Variants in RBMS3 observed in about 807,000 individuals in gnomAD.
RBMS3 encodes RNA binding motif single stranded interacting protein 3, also known as RNA-binding motif, single-stranded-interacting protein 3.
In RBMS3, 27 loss-of-function variants were observed where a neutral mutation model predicts 66.8. That is an observed-to-expected ratio of 0.40 (90% CI 0.30 to 0.56). The LOEUF (loss-of-function observed/expected upper bound fraction) is 0.56. RBMS3 is among the 20% of genes least tolerant of loss of function. RBMS3 has a pLI of 0.40. For missense variants in RBMS3, 513 were observed against 549.5 expected, an observed-to-expected ratio of 0.93 and a Z score of 0.66; for synonymous variants, 188 against 183.0, an observed-to-expected ratio of 1.03 and a Z score of -0.22.
intron 3 of RBMS3, among the ~76,000 whole-genome samples, chr3:29,549,226 T>C (rs568334725): frequency 6.6e-6 from 1 of 152,114 alleles, no homozygotes; most frequent in South Asian, 2.1e-4. Context: ...TTTGTGTCTC[T>C]CAGTGACATC....
chr3:29,859,836 A>C (rs1245425038), intron 6 of RBMS3, among the ~76,000 whole-genome samples: 2 of 152,218 alleles, frequency 1.3e-5, no homozygotes, highest in East Asian at 1.9e-4. Flanking sequence ...AAAGCTTGCC[A>C]GCTCTATATC....
intron 4 of RBMS3, among the ~76,000 whole-genome samples, chr3:29,672,100 C>G (rs1011568721): frequency 6.6e-6 from 1 of 152,112 alleles, no homozygotes; most frequent in Non-Finnish European, 1.5e-5. Context: ...AACAGGAACT[C>G]TATAAGCCAG....
At chr3:29,849,035 A>AC (rs753637408) in intron 6 of RBMS3, among the ~76,000 whole-genome samples, 4 of 152,112 alleles carry the variant, frequency 2.6e-5, no homozygotes, top group Non-Finnish European at 5.9e-5. Context: ...CCCCTTAGAG[A>AC]CCTTGACATT....
intron 1 of RBMS3, among the ~76,000 whole-genome samples, chr3:29,411,481 C>T (rs866873268): frequency 5.9e-5 from 9 of 152,182 alleles, no homozygotes; most frequent in Middle Eastern, 6.8e-3. Flanking sequence ...ATCAGATTAG[C>T]GCCTGTTTTC....
intron 4 of RBMS3, among the ~76,000 whole-genome samples, chr3:29,649,716 G>A (rs1385186572): frequency 1.3e-5 from 2 of 152,086 alleles, no homozygotes; most frequent in African/African-American, 4.8e-5. Flanking sequence ...CATGAAACAA[G>A]GACAAGTTTA....
At chr3:29,333,593 A>G (rs1273128240) in intron 1 of RBMS3, among the ~76,000 whole-genome samples, 1 of 152,172 alleles carries the variant, frequency 6.6e-6, no homozygotes, top group Non-Finnish European at 1.5e-5. Context: ...GTGATTTAGT[A>G]TAGTCCCTAT....
chr3:29,895,725 G>A (rs1416495112), intron 8 of RBMS3, among the ~76,000 whole-genome samples: 1 of 151,400 alleles, frequency 6.6e-6, no homozygotes, highest in African/African-American at 2.4e-5. Flanking sequence ...ATAAACAAAA[G>A]TTTTTATTTA....
At chr3:29,826,020 C>T (rs529525600) in intron 6 of RBMS3, among the ~76,000 whole-genome samples, 42 of 152,078 alleles carry the variant, frequency 2.8e-4, no homozygotes, top group Admixed American at 1.1e-3. Context: ...TAAATGATTC[C>T]TTTGAAAGCT....
intron 4 of RBMS3, among the ~76,000 whole-genome samples, chr3:29,651,556 A>G (rs2050145175): frequency 6.6e-6 from 1 of 152,200 alleles, no homozygotes. Flanking sequence ...TTCAAAATTA[A>G]GAAAACATAC....
At chr3:29,894,568 C>T (rs1198558673) in intron 8 of RBMS3, among the ~76,000 whole-genome samples, 5 of 151,494 alleles carry the variant, frequency 3.3e-5, no homozygotes, top group South Asian at 2.1e-4. Context: ...TAAGGCCCCA[C>T]GCTTATGTCC....
At chr3:29,782,744 C>T (rs1008994643) in intron 6 of RBMS3, among the ~76,000 whole-genome samples, 1 of 151,998 alleles carries the variant, frequency 6.6e-6, no homozygotes, top group African/African-American at 2.4e-5. Context: ...AAGGAGGCAC[C>T]AGAGAAAGGT....
Position 30,006,561 on chromosome 3 carries a change from A to C in RBMS3, c.*2699A>C, listed in dbSNP as rs1369308091. The C allele has an allele frequency of 6.6e-6, 1 of 151,882 alleles. No individual in the cohort carries two copies. The highest frequency in any genetic ancestry group is 1.5e-5 in the Non-Finnish European group (1 of 67,842). 9.4% of individuals were successfully genotyped at this position (151,882 alleles called of 1,614,324 possible). The stretch of plus-strand genomic sequence containing the variant: ...TTATAAAGGTGGCACTTAAGTTTTT[A>C]TCTTTGAAAAGTGGGCCCCAAAGTT... On this transcript the variant is annotated 3_prime_UTR_variant, in exon 15 of 15. Transcript: ENST00000383767.
chr3:29,668,413 G>C (rs972327237), intron 4 of RBMS3, among the ~76,000 whole-genome samples: 2 of 152,138 alleles, frequency 1.3e-5, no homozygotes, highest in African/African-American at 2.4e-5. Context: ...CTGCCATTTT[G>C]GTCAGCAGTG....
At chr3:29,833,784 A>G (rs1364565769) in intron 6 of RBMS3, among the ~76,000 whole-genome samples, 3 of 152,142 alleles carry the variant, frequency 2.0e-5, no homozygotes, top group African/African-American at 7.2e-5. Flanking sequence ...AATGGCTGAA[A>G]TATTTCCAAA....
At position 30,010,294 on chromosome 3, in the gene RBMS3, C is replaced by T. The variant is rs1178406000; in HGVS notation, c.*6432C>T. On this transcript the variant is annotated 3_prime_UTR_variant, in exon 15 of 15. Transcript: ENST00000383767. The stretch of plus-strand genomic sequence containing the variant: ...CAGTCAAATTAGCAACCATCTCCCC[C>T]ATCCCTTGGGCTTTCTGTAGATCAG... The T allele has an allele frequency of 6.6e-6, 1 of 152,220 alleles. No homozygotes were observed. The highest frequency in any genetic ancestry group is 1.5e-5 in the Non-Finnish European group (1 of 68,036). The allele number at this position is 152,220 out of a possible 1,614,324, so 9.4% of individuals were successfully genotyped here.
intron 3 of RBMS3, among the ~76,000 whole-genome samples, chr3:29,524,341 G>A (rs1471724332): frequency 6.8e-6 from 1 of 147,566 alleles, no homozygotes; most frequent in African/African-American, 2.5e-5. Flanking sequence ...AACTGATGAT[G>A]CTTTTTTATG....
chr3:29,884,424 C>T (rs190703828), intron 8 of RBMS3, among the ~76,000 whole-genome samples: 680 of 57,892 alleles, frequency 0.012, 5 homozygotes, highest in African/African-American at 0.044. Context: ...AAACCCTGTT[C>T]TCTCTCTCTC....
At chr3:29,974,994 A>G (rs1247126508) in intron 12 of RBMS3, among the ~76,000 whole-genome samples, 4 of 127,576 alleles carry the variant, frequency 3.1e-5, no homozygotes, top group African/African-American at 9.5e-5. Flanking sequence ...TATATAAAAT[A>G]CGTTTCTATA....
intron 6 of RBMS3, among the ~76,000 whole-genome samples, chr3:29,849,518 TAAAAA>T (rs1300497222): frequency 7.3e-6 from 1 of 136,372 alleles, no homozygotes; most frequent in Non-Finnish European, 1.6e-5. Context: ...TGTCTCAACT[TAAAAA>T]AGAAAAAAAA....
Sources: allele counts gnomAD v4.1 joint callset (sites outside exome capture counted in the v4.1 genomes callset), GRCh38; gene constraint gnomAD v4.1.1; transcripts MANE v1.5; gene names NCBI Gene and HGNC (gene_info 2026-07-23, HGNC 2026-07-21).